The following SVEP1 variants were observed in gnomAD, a reference collection of about 807,000 sequenced individuals.
SVEP1 encodes the protein sushi, von Willebrand factor type A, EGF and pentraxin domain-containing protein 1.
A neutral mutation model predicts 367.3 loss-of-function variants in SVEP1; 164 were observed. The ratio of observed to expected loss-of-function variants is 0.45; its 90% CI spans 0.39 to 0.51. The LOEUF is 0.51. SVEP1 is among the 20% of genes least tolerant of loss of function. SVEP1 has a pLI of 0.00. For missense variants in SVEP1, 4,117 were observed against 4,425.3 expected, an observed-to-expected ratio of 0.93 and a Z score of 1.98; for synonymous variants, 1,666 against 1,611.6, an observed-to-expected ratio of 1.03 and a Z score of -0.81.
At chr9:110,425,878 G>A (rs1828245902) in intron 36 of SVEP1, among the ~76,000 whole-genome samples, 1 of 152,062 alleles carries the variant, frequency 6.6e-6, no homozygotes. Flanking sequence ...TTGTCTTTGG[G>A]TAATAAAATC....
chr9:110,496,949 A>G lies in SVEP1; in HGVS notation c.1682-16T>C. ...GCCTCCACGTCTAACTCAGAAAAATACACAAGTAGATTAATACACTGATAT... is the reference window on the plus strand; with the variant it reads ...GCCTCCACGTCTAACTCAGAAAAATGCACAAGTAGATTAATACACTGATAT... On this transcript the variant is annotated splice_polypyrimidine_tract_variant and intron_variant, in intron 7 of 47. Coordinates refer to ENST00000374469, the MANE Select transcript of SVEP1 (RefSeq NM_153366.4). 6.7e-7 allele frequency: 1 copy of G among 1,486,506 alleles called. No individual in the cohort carries two copies. Among genetic ancestry groups the G allele is most frequent in the East Asian group, 2.5e-5 (1 of 40,342 alleles). 92.1% of individuals were successfully genotyped at this position (1,486,506 alleles called of 1,614,324 possible).
At chr9:110,504,786 A>G (rs1269510036) in intron 5 of SVEP1, among the ~76,000 whole-genome samples, 1 of 151,700 alleles carries the variant, frequency 6.6e-6, no homozygotes, top group African/African-American at 2.4e-5. Context: ...GCTATACACA[A>G]TTTCTAATTC....
chr9:110,459,975 G>T (rs1044547411), intron 18 of SVEP1, among the ~76,000 whole-genome samples: 5 of 151,742 alleles, frequency 3.3e-5, no homozygotes, highest in African/African-American at 1.2e-4. Context: ...AATTATTTTT[G>T]CCAGTTTGTG....
At position 110,404,478 on chromosome 9, in the gene SVEP1, T is replaced by C; in HGVS notation, c.9515A>G (p.Glu3172Gly). ...TCQKDGRWFP[E>G]RISCSPKKCP... is the part of the protein sequence containing the mutation. ...TTTTTTAGGACTGCAGGAGATTCTC[T>C]CAGGGAACCAGCGACCATCTTTCTG... The change falls in exon 39 of 48, where the codon GAG becomes GGG. Residue 3172 changes from glutamate to glycine, a missense_variant. Physicochemically the swap from Glu to Gly is moderately conservative, Grantham distance 98. Transcript: ENST00000374469. The C allele has an allele frequency of 6.2e-7, 1 of 1,614,008 alleles. No homozygotes were observed. The highest frequency in any genetic ancestry group is 8.5e-7 in the Non-Finnish European group (1 of 1,179,886).
At position 110,511,242 on chromosome 9, in the gene SVEP1, G is replaced by A. The variant is rs138281675; in HGVS notation, c.1303+1684C>T. Among the ~76,000 whole-genome samples, 29 of 152,214 alleles carry A rather than the reference G, an allele frequency of 1.9e-4. No homozygotes were observed. The East Asian group carries it at 5.4e-3, about 28-fold the overall frequency. ...TGAATATCCAAGATTTGGGTTGTGA[G>A]TATTTTCAAAATTTCAGCTCAGGGA... is the stretch of plus-strand genomic sequence containing the variant. On this transcript the variant is annotated intron_variant, in intron 5 of 47. Transcript: ENST00000374469.
chr9:110,369,954 G>T lies in SVEP1; in HGVS notation c.10663C>A (p.Leu3555Ile). 6.2e-7 allele frequency: 1 copy of T among 1,613,314 alleles called. No individual in the cohort carries two copies. Among genetic ancestry groups the T allele is most frequent in the South Asian group, 1.1e-5 (1 of 91,008 alleles). The change falls in exon 47 of 48, where the codon CTT becomes ATT. Residue 3555 changes from leucine (L) to isoleucine (I), a missense_variant. Physicochemically the swap from Leu to Ile is conservative, Grantham distance 5. This residue lies in a region of SVEP1 where 1,765 missense variants were observed against 1,781.1 expected (regional missense o/e 0.99). Coordinates refer to ENST00000374469, the MANE Select transcript of SVEP1 (RefSeq NM_153366.4). ...KCVRPNRCHC[L>I]SSWTGHNCSR... ...CAGTTATGTCCCGTCCAAGAAGAAA[G>T]ACAGTGACATCGGTTTGGTCTTACA...
intron 3 of SVEP1, among the ~76,000 whole-genome samples, chr9:110,530,686 A>G (rs1189948763): frequency 6.6e-6 from 1 of 151,944 alleles, no homozygotes; most frequent in African/African-American, 2.4e-5. Context: ...ACAGATGCAC[A>G]CCACAGTGAC....
intron 27 of SVEP1, 115 bp downstream of exon 27, chr9:110,443,430 T>G (rs943650488): frequency 7.4e-6 from 7 of 949,892 alleles, no homozygotes; most frequent in Non-Finnish European, 8.6e-6. Flanking sequence ...ATAAGAGAGA[T>G]AGCTGTTAAT....
At chr9:110,383,963 G>GGA (rs1564124939) in intron 43 of SVEP1, among the ~76,000 whole-genome samples, 2 of 150,864 alleles carry the variant, frequency 1.3e-5, no homozygotes, top group African/African-American at 4.9e-5. Flanking sequence ...CACCAGCAGG[G>GGA]AAAAAAAAAT....
rs984484947 is a variant in SVEP1, at chr9:110,429,180, G to A, written c.5770C>T (p.Leu1924Phe). Reference sequence around the variant, plus strand: ...TCGCATGAATATGATGCAGTAGAAAGGTAGGTAAGCCCACTCAAAATATAT... The same window carrying A: ...TCGCATGAATATGATGCAGTAGAAAAGTAGGTAAGCCCACTCAAAATATAT... ...GKYILSGLTY[L>F]STASYSCDTG... The change falls in exon 35 of 48, where the codon CTT becomes TTT. Residue 1924 changes from leucine (L) to phenylalanine (F), a missense_variant. Around this residue, in one of 4 missense-constraint regions of SVEP1, gnomAD observed 2,174 missense variants for 2,494.3 expected, o/e 0.87. Transcript: ENST00000374469. The A allele has an allele frequency of 6.3e-7, 1 of 1,598,870 alleles. No homozygotes were observed. The highest frequency in any genetic ancestry group is 2.2e-5 in the East Asian group (1 of 44,566).
chr9:110,389,704 AAACATGTTAAAAACATTTTTG>A (rs1455448163), intron 40 of SVEP1, 117 bp from the exon 41 acceptor site: 1 of 1,039,442 alleles, frequency 9.6e-7, no homozygotes, highest in African/African-American at 1.6e-5. Flanking sequence ...AATGCTAAAT[AAACATGTTAAAAACATTTTTG>A]AAAGTCTAAA....
At position 110,541,774 on chromosome 9, in the gene SVEP1, T is replaced by G. The variant is rs184801066; in HGVS notation, c.964+4341A>C. ...ACATCTATATACATAGATATCTATA[T>G]ATATCTATATACATAGATATCTATA... On this transcript the variant is annotated intron_variant, in intron 3 of 47. Coordinates refer to ENST00000374469, the MANE Select transcript of SVEP1 (RefSeq NM_153366.4). Among the ~76,000 whole-genome samples the G allele has an allele frequency of 2.6e-3, 382 of 147,266 alleles. 1 individual carries two copies. The highest frequency in any genetic ancestry group is 6.5e-3 in the African/African-American group (264 of 40,402).
At chr9:110,404,239 C>CT in intron 39 of SVEP1, 88 bp downstream of exon 39, 1 of 1,279,948 alleles carries the variant, frequency 7.8e-7, no homozygotes, top group African/African-American at 1.5e-5. Context: ...ACTTTTTTTT[C>CT]TTTTTGGGAT....
intron 3 of SVEP1, among the ~76,000 whole-genome samples, chr9:110,526,199 A>G (rs767521317): frequency 1.3e-5 from 2 of 152,114 alleles, no homozygotes; most frequent in African/African-American, 4.8e-5. Context: ...GAACTTAAAA[A>G]TTTTTGCACT....
In SVEP1 at chr9:110,407,077, A is replaced by G; in HGVS notation, c.8523T>C (p.Asn2841=). ...TGTACTCGTCTCCTCTCACCTGGCC[A>G]TTGGCTGAGACTGGGGGTGAACTGC... ...VDCSSPPVSA[N]GQVRGDEYTF... Residue 2841 remains asparagine, a synonymous_variant, in exon 38 of 48, where the codon AAT becomes AAC. Transcript: ENST00000374469. 6.2e-7 allele frequency: 1 copy of G among 1,613,940 alleles called. No individual in the cohort carries two copies. Among genetic ancestry groups the G allele is most frequent in the Non-Finnish European group, 8.5e-7 (1 of 1,179,882 alleles).
At chr9:110,544,185 TCAGA>T (rs1312022802) in intron 3 of SVEP1, among the ~76,000 whole-genome samples, 1 of 152,078 alleles carries the variant, frequency 6.6e-6, no homozygotes, top group African/African-American at 2.4e-5. Context: ...AGAGAAACTT[TCAGA>T]CAGACAAGAG....
intron 18 of SVEP1, among the ~76,000 whole-genome samples, chr9:110,464,936 A>C (rs1401234588): frequency 1.3e-5 from 2 of 152,264 alleles, no homozygotes; most frequent in East Asian, 3.9e-4. Flanking sequence ...TTTCATTGTC[A>C]TTCTAAGTTT....
chr9:110,483,480 T>C (rs1829228859), intron 10 of SVEP1, 106 bp downstream of exon 10: 1 of 604,344 alleles, frequency 1.7e-6, no homozygotes, highest in African/African-American at 1.9e-5. Context: ...TCATTCTCCC[T>C]AGACAGTTGT....
In SVEP1 at chr9:110,366,468, TTCCAGGA is replaced by T; in HGVS notation, c.*64_*70del. On this transcript the variant is annotated 3_prime_UTR_variant, in exon 48 of 48. Coordinates refer to ENST00000374469, the MANE Select transcript of SVEP1 (RefSeq NM_153366.4). The stretch of plus-strand genomic sequence containing the variant: ...CCATGTTGGACTTTCTTTGCATAAG[TTCCAGGA>T]TGCCCAGGCACTACCGAGGAGAGAT... 1 of 1,441,884 alleles carries T rather than the reference TTCCAGGA, an allele frequency of 6.9e-7. No homozygotes were observed. The allele number at this position is 1,441,884 out of a possible 1,614,324, so 89.3% of individuals were successfully genotyped here.
Sources: allele counts gnomAD v4.1 joint callset (sites outside exome capture counted in the v4.1 genomes callset), GRCh38; gene constraint gnomAD v4.1.1; regional missense constraint gnomAD v4.1.1; transcripts MANE v1.5; gene names NCBI Gene and HGNC (gene_info 2026-07-23, HGNC 2026-07-21).